The following TENM3 variants were observed in gnomAD, a reference collection of about 807,000 sequenced individuals.
TENM3 encodes teneurin-3.
A neutral mutation model predicts 255.1 loss-of-function variants in TENM3; 63 were observed. The observed-to-expected ratio is 0.25, with a 90% CI of 0.20 to 0.30. TENM3 has a LOEUF of 0.30. TENM3 is among the 10% of genes least tolerant of loss of function. The pLI, the probability that TENM3 is intolerant of heterozygous loss-of-function variation, is 1.00. For synonymous variants in TENM3, 1,306 were observed against 1,322.3 expected (o/e 0.99, Z 0.27); for missense variants, 2,929 against 3,461.1 (o/e 0.85, Z 3.86).
At chr4:181,927,142 T>C in the TENM3 span, among the ~76,000 whole-genome samples, 2 of 152,010 alleles carry the variant, frequency 1.3e-5, no homozygotes, top group Non-Finnish European at 2.9e-5. Context: ...CAGTGGCACC[T>C]GGAATGCAAG....
the TENM3 span, among the ~76,000 whole-genome samples, chr4:181,716,994 A>C: frequency 2.0e-5 from 3 of 152,208 alleles, no homozygotes; most frequent in Non-Finnish European, 4.4e-5. Context: ...GCAGAAGCGC[A>C]GAATGTACTA....
the TENM3 span, among the ~76,000 whole-genome samples, chr4:181,765,892 C>A: frequency 6.6e-6 from 1 of 152,080 alleles, no homozygotes; most frequent in African/African-American, 2.4e-5. Flanking sequence ...TGTAATTTAC[C>A]ATACATATCT....
chr4:182,705,842 AACTT>A (rs1468734929), intron 12 of TENM3, among the ~76,000 whole-genome samples: 13 of 152,088 alleles, frequency 8.5e-5, no homozygotes, highest in African/African-American at 3.1e-4. Flanking sequence ...TGGTTTTTTC[AACTT>A]ACTTGTTTTT....
At chr4:182,282,364 T>C (rs1760443449) in intron 1 of TENM3, among the ~76,000 whole-genome samples, 1 of 152,234 alleles carries the variant, frequency 6.6e-6, no homozygotes, top group East Asian at 1.9e-4. Context: ...TATTAGTATA[T>C]GCTTTGTCAT....
chr4:182,349,837 C>T (rs1049690576), intron 3 of TENM3: 2 of 373,932 alleles, frequency 5.3e-6, no homozygotes, highest in Middle Eastern at 3.6e-4. Flanking sequence ...CATTTTTATA[C>T]TAGCTTGAGA....
At chr4:182,564,490 T>A (rs1376588928) in intron 3 of TENM3, among the ~76,000 whole-genome samples, 1 of 151,992 alleles carries the variant, frequency 6.6e-6, no homozygotes, top group Non-Finnish European at 1.5e-5. Flanking sequence ...ACTATAAGTC[T>A]TTTCACCTCA....
At chr4:181,710,989 A>G in the TENM3 span, among the ~76,000 whole-genome samples, 7,298 of 152,246 alleles carry the variant, frequency 0.048, 248 homozygotes, top group Middle Eastern at 0.15. Context: ...AATATAATGT[A>G]TATATTGTTT....
rs542333708 is a variant in TENM3, at chr4:182,217,625, A to G, written c.-76+72871A>G. 9.9e-5 allele frequency among the ~76,000 whole-genome samples: 15 copies of G among 152,264 alleles called. No homozygotes were observed. The South Asian group carries it at 2.5e-3, about 25-fold the overall frequency. On this transcript the variant is annotated intron_variant, in intron 1 of 2. Transcript: ENST00000512480. ...GGGTAACATTATACCCATTTTACAG[A>G]TGAGGAATCTGAGGCCTGGAGATAT...
chr4:181,633,111 C>A, the TENM3 span, among the ~76,000 whole-genome samples: 1 of 152,194 alleles, frequency 6.6e-6, no homozygotes, highest in East Asian at 1.9e-4. Flanking sequence ...AATCCACTTA[C>A]ACCATACGGA....
intron 3 of TENM3, among the ~76,000 whole-genome samples, chr4:182,528,993 A>G (rs1034379939): frequency 2.0e-5 from 3 of 152,324 alleles, no homozygotes; most frequent in South Asian, 2.1e-4. Context: ...TACTTAACGC[A>G]TGATCGTTCT....
chr4:182,014,041 T>C, the TENM3 span, among the ~76,000 whole-genome samples: 1 of 46,638 alleles, frequency 2.1e-5, no homozygotes, highest in African/African-American at 8.7e-5. Context: ...TACACATATA[T>C]ACGTATATAT....
the TENM3 span, among the ~76,000 whole-genome samples, chr4:181,526,888 CTCTT>C: frequency 6.6e-6 from 1 of 152,320 alleles, no homozygotes; most frequent in African/African-American, 2.4e-5. Context: ...TCTGTGACCT[CTCTT>C]TCGAGTAGTA....
chr4:182,335,427 G>A (rs987234889), intron 2 of TENM3, among the ~76,000 whole-genome samples: 2 of 135,708 alleles, frequency 1.5e-5, no homozygotes, highest in Admixed American at 7.3e-5. Flanking sequence ...CCCGGGAGGC[G>A]GAGCTTGCAG....
chr4:181,747,395 G>A, the TENM3 span, among the ~76,000 whole-genome samples: 1 of 151,904 alleles, frequency 6.6e-6, no homozygotes, highest in African/African-American at 2.4e-5. Context: ...CATACAGTTG[G>A]GAGAAATAAT....
chr4:182,100,786 CATATATATACACAT>C, the TENM3 span, among the ~76,000 whole-genome samples: 22 of 33,094 alleles, frequency 6.6e-4, 5 homozygotes, highest in South Asian at 4.4e-3. Context: ...TATATATACA[CATATATATACACAT>C]ATATATACAC....
chr4:182,126,452 G>A, the TENM3 span, among the ~76,000 whole-genome samples: 1 of 152,128 alleles, frequency 6.6e-6, no homozygotes. Context: ...ACAGAAGTTC[G>A]GTGCTTTAGA....
intron 3 of TENM3, among the ~76,000 whole-genome samples, chr4:182,350,771 G>T (rs1765112912): frequency 6.6e-6 from 1 of 152,104 alleles, no homozygotes; most frequent in Non-Finnish European, 1.5e-5. Flanking sequence ...TGCAACCTCT[G>T]CCTCCTGGGT....
At chr4:182,163,384 C>A (rs140358779) in intron 1 of TENM3, among the ~76,000 whole-genome samples, 170 of 152,288 alleles carry the variant, frequency 1.1e-3, no homozygotes, top group African/African-American at 3.6e-3. Flanking sequence ...CCCTTCCAGC[C>A]CCGCCTCCCA....
At chr4:181,707,986 A>G in the TENM3 span, among the ~76,000 whole-genome samples, 1 of 152,180 alleles carries the variant, frequency 6.6e-6, no homozygotes, top group Admixed American at 6.5e-5. Flanking sequence ...TTTGCAGCAA[A>G]TGATTAATTA....
Sources: allele counts gnomAD v4.1 joint callset (sites outside exome capture counted in the v4.1 genomes callset), GRCh38; gene constraint gnomAD v4.1.1; transcripts MANE v1.5; gene names NCBI Gene and HGNC (gene_info 2026-07-23, HGNC 2026-07-21).